ARHGAP15: variants seen among roughly 807,000 people sequenced by gnomAD.
The protein encoded by ARHGAP15 is Rho GTPase activating protein 15.
A neutral mutation model predicts 63.7 loss-of-function variants in ARHGAP15; 51 were observed. That is an observed-to-expected ratio of 0.80 (90% CI 0.64 to 1.01). The LOEUF is 1.01. Ranked by LOEUF, ARHGAP15 falls within the 50% of genes least tolerant of loss-of-function variation. ARHGAP15 has a pLI of 0.00. For missense variants in ARHGAP15, 560 were observed against 564.6 expected, an observed-to-expected ratio of 0.99 and a Z score of 0.08; for synonymous variants, 191 against 193.8, an observed-to-expected ratio of 0.99 and a Z score of 0.12.
chr2:143,397,133 G>A (rs1687797214), intron 6 of ARHGAP15, among the ~76,000 whole-genome samples: 1 of 152,106 alleles, frequency 6.6e-6, no homozygotes. Flanking sequence ...ACAGATGGAA[G>A]TAGATCCAGA....
intron 10 of ARHGAP15, among the ~76,000 whole-genome samples, chr2:143,548,809 A>G (rs1344193991): frequency 7.3e-6 from 1 of 137,166 alleles, no homozygotes; most frequent in Non-Finnish European, 1.6e-5. Flanking sequence ...AATTGTGTCT[A>G]TGAAGCAAGC....
intron 11 of ARHGAP15, among the ~76,000 whole-genome samples, chr2:143,580,793 G>A (rs965920592): frequency 6.6e-6 from 1 of 151,794 alleles, no homozygotes; most frequent in African/African-American, 2.4e-5. Context: ...ATGCACTTGT[G>A]CCTTGTCTTC....
intron 12 of ARHGAP15, among the ~76,000 whole-genome samples, chr2:143,698,743 CATAAT>C (rs1240521066): frequency 2.6e-5 from 4 of 151,940 alleles, no homozygotes; most frequent in African/African-American, 7.2e-5. Flanking sequence ...AAAAATAAAT[CATAAT>C]AGAATAAGGG....
At chr2:143,733,672 A>C (rs1685634777) in intron 13 of ARHGAP15, among the ~76,000 whole-genome samples, 1 of 152,238 alleles carries the variant, frequency 6.6e-6, no homozygotes, top group Admixed American at 6.5e-5. Flanking sequence ...GTCAGAAGCT[A>C]TAATTTATTC....
intron 12 of ARHGAP15, among the ~76,000 whole-genome samples, chr2:143,660,014 C>G (rs10171182): frequency 0.18 from 27,464 of 152,038 alleles, 2,580 homozygotes; most frequent in East Asian, 0.25. Context: ...TGTTCCTAAT[C>G]TGTGGGTAGA....
intron 10 of ARHGAP15, among the ~76,000 whole-genome samples, chr2:143,550,924 G>A (rs1301244091): frequency 6.6e-6 from 1 of 152,136 alleles, no homozygotes; most frequent in Non-Finnish European, 1.5e-5. Context: ...AGAGAAGTAA[G>A]AGTAAATATA....
At chr2:143,284,777 T>C (rs183475003) in intron 6 of ARHGAP15, among the ~76,000 whole-genome samples, 1 of 152,330 alleles carries the variant, frequency 6.6e-6, no homozygotes, top group East Asian at 1.9e-4. Flanking sequence ...CTACAAAAAG[T>C]AATCCTGTCT....
At chr2:143,615,454 A>G (rs2105225838) in intron 11 of ARHGAP15, among the ~76,000 whole-genome samples, 1 of 152,330 alleles carries the variant, frequency 6.6e-6, no homozygotes, top group Admixed American at 6.5e-5. Context: ...TACATTCTGG[A>G]AATATTTGCC....
intron 6 of ARHGAP15, among the ~76,000 whole-genome samples, chr2:143,338,679 A>G (rs75498658): frequency 0.016 from 2,485 of 152,242 alleles, 72 homozygotes; most frequent in African/African-American, 0.056. Flanking sequence ...AAACTCTTTA[A>G]GGTAAAATCA....
chr2:143,267,569 A>G (rs1681058899), intron 6 of ARHGAP15, among the ~76,000 whole-genome samples: 1 of 152,210 alleles, frequency 6.6e-6, no homozygotes, highest in Admixed American at 6.5e-5. Flanking sequence ...TCTGAAGGTG[A>G]CAAAAATGAG....
chr2:143,475,729 T>C (rs1478212520), intron 8 of ARHGAP15, among the ~76,000 whole-genome samples: 1 of 152,208 alleles, frequency 6.6e-6, no homozygotes, highest in African/African-American at 2.4e-5. Context: ...AGAGCAGCCA[T>C]CCTCCTGGGC....
chr2:143,335,676 A>G (rs988318432), intron 6 of ARHGAP15, among the ~76,000 whole-genome samples: 4 of 152,192 alleles, frequency 2.6e-5, no homozygotes, highest in African/African-American at 9.7e-5. Context: ...TAGGGATATA[A>G]CTACCTAGGC....
At chr2:143,370,263 A>G (rs1216066905) in intron 6 of ARHGAP15, among the ~76,000 whole-genome samples, 1 of 152,102 alleles carries the variant, frequency 6.6e-6, no homozygotes, top group African/African-American at 2.4e-5. Context: ...TTACATACTT[A>G]AGATCCTTGG....
chr2:143,531,296 G>A (rs1196331258), intron 10 of ARHGAP15, among the ~76,000 whole-genome samples: 5 of 152,100 alleles, frequency 3.3e-5, no homozygotes, highest in Non-Finnish European at 5.9e-5. Flanking sequence ...TAAAAGGTAA[G>A]CTAGTAATGT....
rs551764262 is a variant in ARHGAP15 at position 143,300,390 on chromosome 2, A to C, written c.474+49790A>C. 8.5e-5 allele frequency among the ~76,000 whole-genome samples: 13 copies of C among 152,184 alleles called. 1 individual carries two copies. Among genetic ancestry groups the C allele is most frequent in the Middle Eastern group, 3.4e-3 (1 of 294 alleles). On this transcript the variant is annotated intron_variant, in intron 6 of 13. Transcript: ENST00000295095. The stretch of plus-strand genomic sequence containing the variant: ...CTTAGTAAACTGTATATACTTTTAC[A>C]TATGGTTTCAAGTTATCTCTAAGCA...
rs577820706 is a variant in ARHGAP15, at chr2:143,349,483, T to C, written c.475-86118T>C. The stretch of plus-strand genomic sequence containing the variant: ...GTAATGCAGTCATTTAGCTTGTAAT[T>C]TTCTAAAATAATTCAGTTTCTTATG... On this transcript the variant is annotated intron_variant, in intron 6 of 13. Transcript: ENST00000295095. 5.9e-5 allele frequency among the ~76,000 whole-genome samples: 9 copies of C among 152,306 alleles called. No homozygotes were observed. The South Asian group carries it at 1.5e-3, about 25-fold the overall frequency.
intron 5 of ARHGAP15, among the ~76,000 whole-genome samples, chr2:143,240,377 G>A (rs970928009): frequency 2.0e-5 from 3 of 152,050 alleles, no homozygotes; most frequent in African/African-American, 7.2e-5. Flanking sequence ...GCAAAAAGAT[G>A]AAAATAGTTT....
Position 143,563,167 on chromosome 2 carries a change from T to C in ARHGAP15, c.1003+6682T>C, listed in dbSNP as rs1270711389. Among the ~76,000 whole-genome samples, 27 of 152,180 alleles carry C rather than the reference T, an allele frequency of 1.8e-4. 1 individual carries two copies. Among genetic ancestry groups the C allele is most frequent in the Admixed American group, 1.8e-3 (27 of 15,288 alleles). ...ACCCCTTTAAATCACCAACTCTTCA[T>C]TTCCAAAATGGGAAAAATAATGGAA... On this transcript the variant is annotated intron_variant, in intron 11 of 13. Transcript: ENST00000295095.
chr2:143,418,578 A>G (rs1000083390), intron 6 of ARHGAP15, among the ~76,000 whole-genome samples: 17 of 152,324 alleles, frequency 1.1e-4, no homozygotes, highest in African/African-American at 4.1e-4. Flanking sequence ...AGAAATATTT[A>G]AAGTTCACAT....
Sources: gnomAD v4.1 joint callset for allele counts (sites outside exome capture counted in the v4.1 genomes callset) on GRCh38, gnomAD v4.1.1 for gene constraint, MANE v1.5 for transcripts, NCBI Gene and HGNC (gene_info 2026-07-23, HGNC 2026-07-21) for gene names.